Variants in BCKDHB observed in about 807,000 individuals in gnomAD.
BCKDHB encodes the protein branched chain keto acid dehydrogenase E1 subunit beta.
In BCKDHB, 41 loss-of-function variants were observed where a neutral mutation model predicts 48.5. The observed-to-expected ratio is 0.85, with a 90% CI of 0.66 to 1.10. The LOEUF is 1.10. Among genes scored for constraint, BCKDHB ranks in the 50% least tolerant of loss-of-function variants. The pLI, the probability that BCKDHB is intolerant of heterozygous loss-of-function variation, is 0.00. For missense variants in BCKDHB, 496 were observed against 494.2 expected (o/e 1.00, Z -0.03); for synonymous variants, 201 against 174.8 (o/e 1.15, Z -1.18).
intron 3 of BCKDHB, among the ~76,000 whole-genome samples, chr6:80,141,930 T>G (rs960152495): frequency 1.3e-5 from 2 of 152,150 alleles, no homozygotes; most frequent in Non-Finnish European, 2.9e-5. Context: ...TCTTCTAGAC[T>G]GGTGCCTTTA....
chr6:80,144,444 G>A (rs544733573), intron 3 of BCKDHB, among the ~76,000 whole-genome samples: 2 of 152,272 alleles, frequency 1.3e-5, no homozygotes, highest in African/African-American at 2.4e-5. Context: ...AAAAGAGAAA[G>A]TTTGATATCT....
At position 80,345,545 on chromosome 6, in the gene BCKDHB, T is replaced by A. The variant is rs1309271297; in HGVS notation, c.*1741T>A. Reference sequence around the variant, plus strand: ...TGTCTGTTCTAGTCTAAGAATATTGTTATAGATGGAAGTTAGGACCATTAG... The same window carrying A: ...TGTCTGTTCTAGTCTAAGAATATTGATATAGATGGAAGTTAGGACCATTAG... On this transcript the variant is annotated 3_prime_UTR_variant, in exon 10 of 10. Coordinates refer to ENST00000320393, the MANE Select transcript of BCKDHB (RefSeq NM_183050.4). 1 of 152,326 alleles carries A rather than the reference T, an allele frequency of 6.6e-6. No homozygotes were observed. Among genetic ancestry groups the A allele is most frequent in the East Asian group, 1.9e-4 (1 of 5,178 alleles). The allele number at this position is 152,326 out of a possible 1,614,324, so 9.4% of individuals were successfully genotyped here.
the BCKDHB span, among the ~76,000 whole-genome samples, chr6:80,456,552 C>T: frequency 6.6e-6 from 1 of 152,076 alleles, no homozygotes; most frequent in African/African-American, 2.4e-5. Context: ...CCATCACTTA[C>T]CAGAAAACAA....
chr6:80,110,639 A>G (rs2037973685), intron 1 of BCKDHB, among the ~76,000 whole-genome samples: 1 of 152,200 alleles, frequency 6.6e-6, no homozygotes, highest in Non-Finnish European at 1.5e-5. Flanking sequence ...GGAATGGAAA[A>G]TGAAGCATCT....
chr6:80,354,900 C>T, the BCKDHB span, among the ~76,000 whole-genome samples: 1 of 152,164 alleles, frequency 6.6e-6, no homozygotes, highest in African/African-American at 2.4e-5. Context: ...CTTTTGATTA[C>T]TATAGCCTTA....
intron 9 of BCKDHB, among the ~76,000 whole-genome samples, chr6:80,314,166 C>T (rs1223887986): frequency 6.6e-6 from 1 of 152,140 alleles, no homozygotes; most frequent in African/African-American, 2.4e-5. Flanking sequence ...GAGTGTTTTA[C>T]TTCAGATTAT....
chr6:80,138,464 C>A (rs1771009370), intron 3 of BCKDHB, among the ~76,000 whole-genome samples: 1 of 151,884 alleles, frequency 6.6e-6, no homozygotes, highest in Admixed American at 6.6e-5. Flanking sequence ...CCACAACAGT[C>A]CCCAGAGTGT....
intron 3 of BCKDHB, among the ~76,000 whole-genome samples, chr6:80,134,167 C>T (rs1770770523): frequency 6.6e-6 from 1 of 151,988 alleles, no homozygotes; most frequent in South Asian, 2.1e-4. Context: ...ATATTTGGCC[C>T]ACTTATTGGA....
the BCKDHB span, among the ~76,000 whole-genome samples, chr6:80,390,396 AGTC>A: frequency 6.6e-6 from 1 of 152,230 alleles, no homozygotes; most frequent in Non-Finnish European, 1.5e-5. Context: ...AGAAAAAGGT[AGTC>A]ATCAATACCA....
intron 1 of BCKDHB, among the ~76,000 whole-genome samples, chr6:80,123,066 A>G (rs1770128658): frequency 6.9e-6 from 1 of 145,354 alleles, no homozygotes; most frequent in Non-Finnish European, 1.5e-5. Flanking sequence ...TCCTACTTGC[A>G]TGTCCGTTTA....
intron 9 of BCKDHB, among the ~76,000 whole-genome samples, chr6:80,285,452 A>G (rs1411971636): frequency 6.6e-6 from 1 of 152,140 alleles, no homozygotes; most frequent in African/African-American, 2.4e-5. Context: ...TTACTAACCT[A>G]TATCTATACT....
chr6:80,120,086 C>G (rs1482991321), intron 1 of BCKDHB, among the ~76,000 whole-genome samples: 1 of 152,078 alleles, frequency 6.6e-6, no homozygotes, highest in Non-Finnish European at 1.5e-5. Flanking sequence ...TGTTCATTTC[C>G]CACTTATGAG....
At chr6:80,424,455 C>A in the BCKDHB span, among the ~76,000 whole-genome samples, 1 of 152,054 alleles carries the variant, frequency 6.6e-6, no homozygotes, top group East Asian at 1.9e-4. Context: ...TAATATAACC[C>A]AGATTAATGC....
chr6:80,309,691 ATTCTTT>A (rs1768056861), intron 9 of BCKDHB, among the ~76,000 whole-genome samples: 1 of 152,030 alleles, frequency 6.6e-6, no homozygotes, highest in Non-Finnish European at 1.5e-5. Flanking sequence ...AAATGGCTTT[ATTCTTT>A]ACCATTTTAC....
intron 9 of BCKDHB, 51 bp downstream of exon 9, chr6:80,273,272 A>C: frequency 1.4e-6 from 2 of 1,409,916 alleles, no homozygotes; most frequent in Non-Finnish European, 2.0e-6. Context: ...TCCACATGCC[A>C]ATTCCAGAAG....
the BCKDHB span, among the ~76,000 whole-genome samples, chr6:80,418,703 CTG>C: frequency 1.3e-5 from 2 of 152,296 alleles, no homozygotes; most frequent in East Asian, 1.9e-4. Flanking sequence ...AATCACTACA[CTG>C]TGATAGGTGG....
chr6:80,288,919 G>A lies in BCKDHB; in HGVS notation c.1038+15698G>A, dbSNP rs370347308. Among the ~76,000 whole-genome samples the A allele has an allele frequency of 1.3e-3, 204 of 152,226 alleles. 7 individuals are homozygous for A. In the South Asian group the frequency reaches 0.041, roughly 31 times the overall value. ...ACACATAGTATTGGGAAGCTTAGGGGCAGGGATGGAGGGGTAGGGAGCATT... is the reference window on the plus strand; with the variant it reads ...ACACATAGTATTGGGAAGCTTAGGGACAGGGATGGAGGGGTAGGGAGCATT... On this transcript the variant is annotated intron_variant, in intron 9 of 9. Transcript: ENST00000320393.
chr6:80,305,831 T>G (rs1767846351), intron 9 of BCKDHB, among the ~76,000 whole-genome samples: 1 of 152,144 alleles, frequency 6.6e-6, no homozygotes, highest in Non-Finnish European at 1.5e-5. Flanking sequence ...AGGATGTTCC[T>G]CCTATCTTAC....
chr6:80,142,071 A>G (rs1771244541), intron 3 of BCKDHB, among the ~76,000 whole-genome samples: 1 of 152,014 alleles, frequency 6.6e-6, no homozygotes, highest in African/African-American at 2.4e-5. Context: ...AGACCAGTGA[A>G]TTTTCATTTC....
Sources: allele counts gnomAD v4.1 joint callset (sites outside exome capture counted in the v4.1 genomes callset), GRCh38; gene constraint gnomAD v4.1.1; transcripts MANE v1.5; gene names NCBI Gene and HGNC (gene_info 2026-07-23, HGNC 2026-07-21).